WDR64: variants seen among roughly 807,000 people sequenced by gnomAD.
The protein encoded by WDR64 is WD repeat-containing protein 64.
In WDR64, 112 loss-of-function variants were observed where a neutral mutation model predicts 139.3. The observed-to-expected ratio is 0.80, with a 90% CI of 0.69 to 0.94. The LOEUF (loss-of-function observed/expected upper bound fraction) is 0.94, where lower values mean the gene tolerates loss of function less well. Ranked by LOEUF, WDR64 falls within the 40% of genes least tolerant of loss-of-function variation. The probability of loss-of-function intolerance (pLI) is 0.00; values close to 1 mark genes in which losing one functional copy is unlikely to be tolerated. For synonymous variants in WDR64, 444 were observed against 437.7 expected, an observed-to-expected ratio of 1.01 and a Z score of -0.18; for missense variants, 1,206 against 1,293.1, an observed-to-expected ratio of 0.93 and a Z score of 1.03.
intron 23 of WDR64, among the ~76,000 whole-genome samples, chr1:241,787,038 A>C (rs1659060680): frequency 6.6e-6 from 1 of 152,124 alleles, no homozygotes; most frequent in African/African-American, 2.4e-5. Flanking sequence ...AAAAGTTTGC[A>C]GACTACAGTC....
In WDR64 at chr1:241,763,835, C is replaced by A. The variant is rs551575407; in HGVS notation, c.1948-2383C>A. ...ACCGTATCATGCACTGTTCTTAGCA[C>A]TGGGAATGTCAAGATTAATGAGGTA... is the stretch of plus-strand genomic sequence containing the variant. On this transcript the variant is annotated intron_variant, in intron 15 of 27. Coordinates refer to ENST00000437684, the MANE Select transcript of WDR64 (RefSeq NM_001367482.1). 3.9e-5 allele frequency among the ~76,000 whole-genome samples: 6 copies of A among 152,248 alleles called. No homozygotes were observed. In the South Asian group the frequency reaches 1.2e-3, roughly 32 times the overall value.
chr1:241,664,047 C>G (rs958401919), intron 2 of WDR64, among the ~76,000 whole-genome samples: 7 of 152,128 alleles, frequency 4.6e-5, no homozygotes, highest in Admixed American at 2.6e-4. Context: ...AAGGGTGAAA[C>G]AGTCAGCTAC....
intron 15 of WDR64, among the ~76,000 whole-genome samples, chr1:241,763,563 G>C (rs1344806512): frequency 1.3e-5 from 2 of 152,148 alleles, no homozygotes; most frequent in Non-Finnish European, 2.9e-5. Context: ...AAGTTAGCCA[G>C]GTATGGTGGC....
chr1:241,784,192 T>C (rs1161007483), intron 23 of WDR64, among the ~76,000 whole-genome samples: 1 of 152,186 alleles, frequency 6.6e-6, no homozygotes, highest in Non-Finnish European at 1.5e-5. Flanking sequence ...GGTAAGAATT[T>C]GGATCCTTCC....
At chr1:241,689,587 A>G (rs1028274474) in intron 8 of WDR64, among the ~76,000 whole-genome samples, 1 of 152,204 alleles carries the variant, frequency 6.6e-6, no homozygotes, top group Non-Finnish European at 1.5e-5. Context: ...ATCAAAATTA[A>G]TGAGGCAAAA....
Position 241,775,151 on chromosome 1 carries a change from T to A in WDR64, c.2477T>A (p.Ile826Asn), listed in dbSNP as rs1363545852. 3 of 1,551,164 alleles carry A rather than the reference T, an allele frequency of 1.9e-6. No individual in the cohort carries two copies. The highest frequency in any genetic ancestry group is 2.6e-6 in the Non-Finnish European group (3 of 1,146,914). ...DMLPFTKHSA[I>N]SLTSLYTDSC... is the part of the protein sequence containing the mutation. ...CTACCTTTCACAAAACATTCTGCCA[T>A]TTCTCTGACATCGCTGTATACTGAT... The change falls in exon 21 of 28, where the codon ATT becomes AAT. Residue 826 changes from isoleucine (I) to asparagine (N), a missense_variant. Transcript: ENST00000437684.
intron 10 of WDR64, among the ~76,000 whole-genome samples, chr1:241,733,161 C>T (rs1026794200): frequency 1.2e-4 from 18 of 152,246 alleles, no homozygotes; most frequent in African/African-American, 4.1e-4. Context: ...CTCCATCTCA[C>T]TCCATTCCCA....
intron 9 of WDR64, among the ~76,000 whole-genome samples, chr1:241,718,725 G>A (rs962556524): frequency 6.6e-6 from 1 of 152,102 alleles, no homozygotes; most frequent in African/African-American, 2.4e-5. Flanking sequence ...AAATTTTCTG[G>A]AGGCTAGAAG....
chr1:241,791,956 CA>C (rs1277291873), intron 25 of WDR64, among the ~76,000 whole-genome samples: 1 of 152,170 alleles, frequency 6.6e-6, no homozygotes. Flanking sequence ...CTAATTTTAA[CA>C]CTTCTAGAGA....
chr1:241,687,710 C>G (rs1466378438), intron 8 of WDR64, 115 bp downstream of exon 8: 2 of 1,075,448 alleles, frequency 1.9e-6, no homozygotes, highest in East Asian at 5.0e-5. Context: ...CGGACATTAA[C>G]TATTCCATTT....
At chr1:241,752,805 T>G (rs908636352) in intron 14 of WDR64, among the ~76,000 whole-genome samples, 2 of 152,034 alleles carry the variant, frequency 1.3e-5, no homozygotes, top group Non-Finnish European at 2.9e-5. Context: ...GAGCCAAAAT[T>G]GCACCACTGC....
At chr1:241,789,165 A>G (rs1393411167) in intron 24 of WDR64, among the ~76,000 whole-genome samples, 1 of 152,104 alleles carries the variant, frequency 6.6e-6, no homozygotes, top group African/African-American at 2.4e-5. Flanking sequence ...TGTGAATGGT[A>G]GACACAGAAG....
At chr1:241,736,103 A>G (rs1356334092) in intron 10 of WDR64, among the ~76,000 whole-genome samples, 1 of 152,056 alleles carries the variant, frequency 6.6e-6, no homozygotes, top group Non-Finnish European at 1.5e-5. Context: ...GAATTGGAGG[A>G]CATGCTGCTA....
At chr1:241,764,485 CA>C (rs1247417441) in intron 15 of WDR64, among the ~76,000 whole-genome samples, 3 of 150,696 alleles carry the variant, frequency 2.0e-5, no homozygotes, top group Admixed American at 6.6e-5. Context: ...CCCATCTCTA[CA>C]AAAAAATTTT....
chr1:241,757,918 T>A (rs763466616), intron 15 of WDR64, among the ~76,000 whole-genome samples: 11 of 152,202 alleles, frequency 7.2e-5, no homozygotes, highest in Non-Finnish European at 1.2e-4. Context: ...AAATAATTTG[T>A]AAGAAGTTGT....
intron 9 of WDR64, among the ~76,000 whole-genome samples, chr1:241,721,698 A>G (rs1401393426): frequency 6.6e-6 from 1 of 152,196 alleles, no homozygotes; most frequent in Non-Finnish European, 1.5e-5. Flanking sequence ...CCAGGATGAC[A>G]TTTAAAGAAC....
chr1:241,726,412 G>A (rs1201623530), intron 10 of WDR64, among the ~76,000 whole-genome samples: 1 of 151,588 alleles, frequency 6.6e-6, no homozygotes, highest in African/African-American at 2.4e-5. Flanking sequence ...TTTAAAAAAA[G>A]AGATTATGAT....
At position 241,790,619 on chromosome 1, in the gene WDR64, C is replaced by T. The variant is rs772636567; in HGVS notation, c.2920C>T (p.Leu974Phe). ...GAGAAAAATGAGCTCAGTGTCTCTA[C>T]TTTTCAAACGCACACCTCCCAAGGC... is the stretch of plus-strand genomic sequence containing the variant. ...KWRKMSSVSL[L>F]FKRTPPKAFE... The change falls in exon 25 of 28, where the codon CTT becomes TTT. Residue 974 changes from leucine (L) to phenylalanine (F), a missense_variant. Transcript: ENST00000437684. The T allele has an allele frequency of 2.5e-6, 4 of 1,610,026 alleles. No homozygotes were observed. Among genetic ancestry groups the T allele is most frequent in the East Asian group, 2.2e-5 (1 of 44,752 alleles).
chr1:241,667,732 G>A (rs1666074180), intron 2 of WDR64, among the ~76,000 whole-genome samples: 1 of 152,150 alleles, frequency 6.6e-6, no homozygotes, highest in African/African-American at 2.4e-5. Flanking sequence ...GAGCTTGGAA[G>A]TAGATTCTTT....
Sources: gnomAD v4.1 joint callset for allele counts (sites outside exome capture counted in the v4.1 genomes callset) on GRCh38, gnomAD v4.1.1 for gene constraint, MANE v1.5 for transcripts, NCBI Gene and HGNC (gene_info 2026-07-23, HGNC 2026-07-21) for gene names.